PKHD1: variants seen among roughly 807,000 people sequenced by gnomAD.
PKHD1 encodes the protein PKHD1 ciliary IPT domain containing fibrocystin/polyductin.
PKHD1 carries 291 observed loss-of-function variants against 412.0 expected under a neutral mutation model. That is an observed-to-expected ratio of 0.71 (90% CI 0.64 to 0.78). PKHD1 has a LOEUF of 0.78. PKHD1 is among the 30% of genes least tolerant of loss of function. The probability of loss-of-function intolerance (pLI) is 0.00; values close to 1 mark genes in which losing one functional copy is unlikely to be tolerated. For missense variants in PKHD1, 4,825 were observed against 4,950.7 expected, an observed-to-expected ratio of 0.97 and a Z score of 0.76; for synonymous variants, 1,777 against 1,821.5, an observed-to-expected ratio of 0.98 and a Z score of 0.62.
At chr6:51,702,271 G>T (rs944633423) in intron 60 of PKHD1, among the ~76,000 whole-genome samples, 4 of 133,260 alleles carry the variant, frequency 3.0e-5, no homozygotes, top group African/African-American at 1.1e-4. Flanking sequence ...TAAATTAGTG[G>T]CATTTGCAGT....
In PKHD1 at chr6:51,770,816, T is replaced by C. The variant is rs146013551; in HGVS notation, c.8642+1886A>G. ...TGAATGGTGAAGATTCATTTATGTG[T>C]CATATTTGCTAAGCTATTATACACA... is the stretch of plus-strand genomic sequence containing the variant. On this transcript the variant is annotated intron_variant, in intron 55 of 66. Coordinates refer to ENST00000371117, the MANE Select transcript of PKHD1 (RefSeq NM_138694.4). 1.9e-3 allele frequency among the ~76,000 whole-genome samples: 284 copies of C among 152,186 alleles called. 1 individual carries two copies. The highest frequency in any genetic ancestry group is 6.6e-3 in the Admixed American group (101 of 15,264).
rs777799516 is a variant in PKHD1 at position 51,619,416 on chromosome 6, C to G, written c.11890G>C (p.Glu3964Gln). ...KVSRHIVREE[E>Q]AAVPAPGTTG... ...GTACCAGGAGCAGGCACAGCAGCCT[C>G]TTCCTCTCGGACAATGTGGCGGCTA... The change falls in exon 67 of 67, where the codon GAG becomes CAG. Residue 3964 changes from glutamate to glutamine, a missense_variant. Coordinates refer to ENST00000371117, the MANE Select transcript of PKHD1 (RefSeq NM_138694.4). 6.2e-7 allele frequency: 1 copy of G among 1,613,764 alleles called. No homozygotes were observed. The highest frequency in any genetic ancestry group is 8.5e-7 in the Non-Finnish European group (1 of 1,179,656).
chr6:51,662,874 A>G (rs919438866), intron 60 of PKHD1, among the ~76,000 whole-genome samples: 2 of 152,056 alleles, frequency 1.3e-5, no homozygotes, highest in African/African-American at 4.8e-5. Flanking sequence ...GAACTGTTCT[A>G]TGTCTCTTAA....
At chr6:51,812,073 T>C (rs558573777) in intron 52 of PKHD1, among the ~76,000 whole-genome samples, 39 of 152,244 alleles carry the variant, frequency 2.6e-4, no homozygotes, top group African/African-American at 9.4e-4. Context: ...GAGGCCAGCA[T>C]GGAGAGAGCA....
At chr6:51,791,115 C>G (rs897373977) in intron 53 of PKHD1, 121 bp downstream of exon 53, 10 of 981,108 alleles carry the variant, frequency 1.0e-5, no homozygotes, top group Non-Finnish European at 1.6e-5. Flanking sequence ...GCACTCACTA[C>G]TACCTTAACC....
Position 51,746,903 on chromosome 6 carries a change from A to C in PKHD1, c.9830-14T>G. ...AAAAGGTAACATCTGAAATTTTAAAAATATGTATCATAATATTATATCATA... is the reference window on the plus strand; with the variant it reads ...AAAAGGTAACATCTGAAATTTTAAACATATGTATCATAATATTATATCATA... On this transcript the variant is annotated splice_polypyrimidine_tract_variant and intron_variant, in intron 58 of 66. Coordinates refer to ENST00000371117, the MANE Select transcript of PKHD1 (RefSeq NM_138694.4). The C allele has an allele frequency of 6.8e-7, 1 of 1,461,186 alleles. No individual in the cohort carries two copies. Among genetic ancestry groups the C allele is most frequent in the Non-Finnish European group, 9.5e-7 (1 of 1,051,580 alleles). 90.5% of individuals were successfully genotyped at this position (1,461,186 alleles called of 1,614,324 possible). A position where few individuals can be genotyped will look rare whatever the true frequency, so the allele number is the denominator to read the frequency against.
chr6:51,938,976 T>A (rs1457192531), intron 36 of PKHD1, among the ~76,000 whole-genome samples: 1 of 151,588 alleles, frequency 6.6e-6, no homozygotes, highest in African/African-American at 2.4e-5. Context: ...ATGCGTTTTA[T>A]CCATGGACCC....
intron 55 of PKHD1, among the ~76,000 whole-genome samples, chr6:51,757,838 C>A (rs1787273564): frequency 6.6e-6 from 1 of 151,358 alleles, no homozygotes; most frequent in African/African-American, 2.4e-5. Flanking sequence ...CCCATCTCTA[C>A]AAAAGTGAAA....
chr6:51,889,992 G>GATTTTTTTTTTCCCTTAGAAGT (rs1778857264), intron 43 of PKHD1, among the ~76,000 whole-genome samples: 1 of 151,802 alleles, frequency 6.6e-6, no homozygotes, highest in Non-Finnish European at 1.5e-5. Context: ...ATTTATGGTG[G>GATTTTTTTTTTCCCTTAGAAGT]ATTTTTTTTT....
chr6:51,975,399 A>G (rs974514894), intron 35 of PKHD1, among the ~76,000 whole-genome samples: 1 of 152,112 alleles, frequency 6.6e-6, no homozygotes, highest in Non-Finnish European at 1.5e-5. Flanking sequence ...TACAACTGAT[A>G]AGAGATTAAT....
chr6:51,945,672 C>A (rs1266905), intron 36 of PKHD1, among the ~76,000 whole-genome samples: 50,653 of 152,080 alleles, frequency 0.33, 9,151 homozygotes, highest in African/African-American at 0.46. Flanking sequence ...ATTTATTCAG[C>A]ACCTACCATG....
chr6:51,646,406 A>C (rs1401843852), intron 63 of PKHD1, among the ~76,000 whole-genome samples: 1 of 152,168 alleles, frequency 6.6e-6, no homozygotes, highest in East Asian at 1.9e-4. Flanking sequence ...CAATAGGGAG[A>C]AGGCTCCTGG....
chr6:51,653,480 A>T lies in PKHD1; in HGVS notation c.11175-4260T>A, dbSNP rs77602906. On this transcript the variant is annotated intron_variant, in intron 61 of 66. Transcript: ENST00000371117. ...TATGCATCCCCTCTGTTCTTAGGTC[A>T]CTAATTGCCTCTGAAAAACTACCAC... is the stretch of plus-strand genomic sequence containing the variant. 1.6e-3 allele frequency among the ~76,000 whole-genome samples: 238 copies of T among 152,228 alleles called. 3 individuals are homozygous for T. Among genetic ancestry groups the T allele is most frequent in the African/African-American group, 5.5e-3 (227 of 41,560 alleles).
chr6:51,841,398 C>G (rs941843117), intron 50 of PKHD1, among the ~76,000 whole-genome samples: 2 of 148,810 alleles, frequency 1.3e-5, no homozygotes, highest in Non-Finnish European at 3.0e-5. Flanking sequence ...CTCCTCTTCT[C>G]TCCTCTCCTC....
chr6:51,761,657 T>C (rs1437205806), intron 55 of PKHD1, among the ~76,000 whole-genome samples: 1 of 152,024 alleles, frequency 6.6e-6, no homozygotes, highest in African/African-American at 2.4e-5. Flanking sequence ...ATTTAGCCAA[T>C]CCACAATGCA....
intron 21 of PKHD1, among the ~76,000 whole-genome samples, chr6:52,052,243 T>C (rs1296000617): frequency 2.0e-5 from 3 of 152,070 alleles, no homozygotes; most frequent in South Asian, 2.1e-4. Flanking sequence ...TGAGCAAAAG[T>C]TGGAAGCCTG....
At chr6:51,729,405 C>T (rs1343522292) in intron 60 of PKHD1, among the ~76,000 whole-genome samples, 1 of 152,156 alleles carries the variant, frequency 6.6e-6, no homozygotes, top group Non-Finnish European at 1.5e-5. Flanking sequence ...ATTATTCTTA[C>T]TATAAAAACT....
intron 52 of PKHD1, among the ~76,000 whole-genome samples, chr6:51,818,818 C>T (rs1765898550): frequency 6.6e-6 from 1 of 151,572 alleles, no homozygotes; most frequent in Admixed American, 6.6e-5. Context: ...GGCTGGTGCT[C>T]CAGCACATTG....
intron 43 of PKHD1, among the ~76,000 whole-genome samples, chr6:51,891,964 G>A (rs1779193212): frequency 6.6e-6 from 1 of 152,134 alleles, no homozygotes; most frequent in Non-Finnish European, 1.5e-5. Context: ...AGGGAGGCCA[G>A]CACATACTGA....
Sources: allele counts gnomAD v4.1 joint callset (sites outside exome capture counted in the v4.1 genomes callset), GRCh38; gene constraint gnomAD v4.1.1; transcripts MANE v1.5; gene names NCBI Gene and HGNC (gene_info 2026-07-23, HGNC 2026-07-21).